Variants in RAB27B observed in about 807,000 individuals in gnomAD.
RAB27B encodes the protein RAB27B, member RAS oncogene family, also known as ras-related protein Rab-27B.
In RAB27B, 15 loss-of-function variants were observed where a neutral mutation model predicts 24.6. That is an observed-to-expected ratio of 0.61 (90% CI 0.41 to 0.94). RAB27B has a LOEUF of 0.94. Among genes scored for constraint, RAB27B ranks in the 40% least tolerant of loss-of-function variants. RAB27B has a pLI of 0.00. For synonymous variants in RAB27B, 105 were observed against 92.5 expected, an observed-to-expected ratio of 1.14 and a Z score of -0.78; for missense variants, 261 against 266.8, an observed-to-expected ratio of 0.98 and a Z score of 0.15.
intron 2 of RAB27B, among the ~76,000 whole-genome samples, chr18:54,753,417 C>T (rs1039506092): frequency 2.0e-5 from 3 of 152,124 alleles, no homozygotes; most frequent in Non-Finnish European, 4.4e-5. Context: ...ATTCTAATTC[C>T]TCTACTTTCT....
intron 2 of RAB27B, among the ~76,000 whole-genome samples, chr18:54,736,493 G>A (rs1043881518): frequency 2.0e-5 from 3 of 151,902 alleles, no homozygotes; most frequent in Non-Finnish European, 4.4e-5. Context: ...GCTATTAATA[G>A]CTATTAGGTG....
intron 1 of RAB27B, among the ~76,000 whole-genome samples, chr18:54,831,199 A>T (rs962196521): frequency 6.6e-6 from 1 of 152,212 alleles, no homozygotes; most frequent in Admixed American, 6.5e-5. Flanking sequence ...TCAGATGCCC[A>T]GGAAAAGCCT....
At chr18:54,816,970 A>G (rs1598926742) in intron 2 of RAB27B, among the ~76,000 whole-genome samples, 1 of 152,188 alleles carries the variant, frequency 6.6e-6, no homozygotes, top group African/African-American at 2.4e-5. Flanking sequence ...GCTATAGACT[A>G]TTTTATTGCA....
In RAB27B at chr18:54,751,815, G is replaced by A. The variant is rs536297913; in HGVS notation, c.-20+33674G>A. Among the ~76,000 whole-genome samples, 58 of 152,276 alleles carry A rather than the reference G, an allele frequency of 3.8e-4. No individual in the cohort carries two copies. The East Asian group carries it at 0.01, about 27-fold the overall frequency. On this transcript the variant is annotated intron_variant, in intron 2 of 4. Coordinates refer to the RAB27B transcript ENST00000586570. ...TGAGCATCGCATGTATGAAGTTGTG[G>A]GAAAGCAGTTGAGGAGATGACACAG...
chr18:54,799,223 T>G (rs1909519729), intron 2 of RAB27B, among the ~76,000 whole-genome samples: 2 of 152,226 alleles, frequency 1.3e-5, no homozygotes, highest in African/African-American at 4.8e-5. Context: ...ATAGTAAGTT[T>G]ACATGATTTG....
At chr18:54,730,608 C>T (rs1310910060) in intron 2 of RAB27B, among the ~76,000 whole-genome samples, 1 of 151,928 alleles carries the variant, frequency 6.6e-6, no homozygotes, top group Non-Finnish European at 1.5e-5. Context: ...TCATGAATGG[C>T]TTGGTGCCCT....
intron 2 of RAB27B, chr18:54,744,833 A>G (rs1256320527): frequency 9.7e-6 from 2 of 205,326 alleles, no homozygotes; most frequent in East Asian, 2.4e-4. Flanking sequence ...GGTGGCACCA[A>G]GATTGACTTC....
intron 2 of RAB27B, among the ~76,000 whole-genome samples, chr18:54,743,150 C>T (rs1301429927): frequency 6.6e-6 from 1 of 152,206 alleles, no homozygotes; most frequent in Admixed American, 6.5e-5. Flanking sequence ...CCACACTACT[C>T]TGCAGCATCT....
chr18:54,813,011 A>G (rs1011947283), intron 2 of RAB27B, among the ~76,000 whole-genome samples: 3 of 152,216 alleles, frequency 2.0e-5, no homozygotes, highest in Admixed American at 2.0e-4. Flanking sequence ...CATAATTCAG[A>G]GAAGAAACAA....
intron 1 of RAB27B, among the ~76,000 whole-genome samples, chr18:54,833,315 C>A (rs1006090380): frequency 6.7e-6 from 1 of 148,190 alleles, no homozygotes; most frequent in Non-Finnish European, 1.5e-5. Flanking sequence ...CAATCTCCCT[C>A]CCCGGGGTTC....
At chr18:54,876,543 A>G (rs181971763) in intron 1 of RAB27B, among the ~76,000 whole-genome samples, 3 of 152,192 alleles carry the variant, frequency 2.0e-5, no homozygotes, top group Admixed American at 6.5e-5. Context: ...ATAGCCCATG[A>G]TTCAGGAAGT....
intron 1 of RAB27B, among the ~76,000 whole-genome samples, chr18:54,877,104 T>G (rs988037632): frequency 2.6e-5 from 4 of 152,166 alleles, no homozygotes; most frequent in African/African-American, 9.7e-5. Context: ...TTCATGATAG[T>G]GAGTTCTCAC....
intron 2 of RAB27B, among the ~76,000 whole-genome samples, chr18:54,801,104 C>T (rs1434623031): frequency 6.7e-6 from 1 of 148,356 alleles, no homozygotes; most frequent in Non-Finnish European, 1.5e-5. Flanking sequence ...CCCCCGTCTC[C>T]TGGCTTCAAG....
At chr18:54,735,137 C>T (rs1909850378) in intron 2 of RAB27B, among the ~76,000 whole-genome samples, 1 of 152,074 alleles carries the variant, frequency 6.6e-6, no homozygotes, top group Non-Finnish European at 1.5e-5. Context: ...AAATTATTTG[C>T]ATATCTAACA....
chr18:54,808,527 C>A (rs1263114214), intron 2 of RAB27B, among the ~76,000 whole-genome samples: 1 of 152,206 alleles, frequency 6.6e-6, no homozygotes, highest in Non-Finnish European at 1.5e-5. Flanking sequence ...CATTAGAAAT[C>A]TCTTATTATC....
At chr18:54,881,396 G>A (rs955891912) in intron 3 of RAB27B, among the ~76,000 whole-genome samples, 2 of 152,054 alleles carry the variant, frequency 1.3e-5, no homozygotes, top group African/African-American at 4.8e-5. Flanking sequence ...CAGGGGTCAC[G>A]TGTGGAAATT....
intron 2 of RAB27B, among the ~76,000 whole-genome samples, chr18:54,807,936 A>T (rs984659518): frequency 6.6e-6 from 1 of 152,132 alleles, no homozygotes; most frequent in Non-Finnish European, 1.5e-5. Context: ...AATCCATATT[A>T]CTTGGTCTTT....
At chr18:54,860,026 C>T (rs1189793406) in intron 1 of RAB27B, among the ~76,000 whole-genome samples, 1 of 152,078 alleles carries the variant, frequency 6.6e-6, no homozygotes, top group Non-Finnish European at 1.5e-5. Flanking sequence ...TTCAATTAGG[C>T]TAGTAAGTAG....
intron 1 of RAB27B, among the ~76,000 whole-genome samples, chr18:54,872,919 G>A (rs1192924384): frequency 1.3e-5 from 2 of 152,156 alleles, no homozygotes; most frequent in Non-Finnish European, 2.9e-5. Flanking sequence ...GTAGACAAAA[G>A]AGATCAAGTT....
Sources: gnomAD v4.1 joint callset for allele counts (sites outside exome capture counted in the v4.1 genomes callset) on GRCh38, gnomAD v4.1.1 for gene constraint, MANE v1.5 for transcripts, NCBI Gene and HGNC (gene_info 2026-07-23, HGNC 2026-07-21) for gene names.